Variants in PCDHA2 observed in about 807,000 individuals in gnomAD.
The protein encoded by PCDHA2 is protocadherin alpha-2.
Under a neutral mutation model 66.0 loss-of-function variants are expected in PCDHA2, and 58 were observed. The observed-to-expected ratio is 0.88, with a 90% CI of 0.71 to 1.09. The LOEUF (loss-of-function observed/expected upper bound fraction) is 1.09, where lower values mean the gene tolerates loss of function less well. PCDHA2 is among the 50% of genes least tolerant of loss of function. The pLI, the probability that PCDHA2 is intolerant of heterozygous loss-of-function variation, is 0.00. For missense variants in PCDHA2, 1,267 were observed against 1,242.3 expected (o/e 1.02, Z -0.30); for synonymous variants, 634 against 554.0 (o/e 1.14, Z -2.03).
intron 1 of PCDHA2, chr5:140,830,073 C>T (rs2150180623): frequency 6.2e-7 from 1 of 1,613,470 alleles, no homozygotes; most frequent in African/African-American, 1.3e-5. Flanking sequence ...GCGCTGACAG[C>T]GACGGCCACG....
At chr5:140,825,330 A>G (rs1431095392) in intron 1 of PCDHA2, 1 of 146,462 alleles carries the variant, frequency 6.8e-6, no homozygotes. Context: ...GGAAATTTGC[A>G]TATTTTTCAA....
intron 1 of PCDHA2, chr5:140,822,990 G>C (rs2150121071): frequency 1.2e-6 from 2 of 1,614,184 alleles, no homozygotes; most frequent in Admixed American, 1.7e-5. Context: ...ATTACTACTC[G>C]TTGGTGCTGG....
At chr5:140,833,364 G>C (rs1298324769) in intron 1 of PCDHA2, among the ~76,000 whole-genome samples, 1 of 152,118 alleles carries the variant, frequency 6.6e-6, no homozygotes, top group Admixed American at 6.6e-5. Context: ...AACACAGTAA[G>C]GTAGATCCAA....
chr5:140,882,856 G>A (rs1352769264), intron 1 of PCDHA2: 1 of 1,614,098 alleles, frequency 6.2e-7, no homozygotes, highest in African/African-American at 1.3e-5. Context: ...CACTTGTACT[G>A]AGGAAAACAC....
intron 1 of PCDHA2, chr5:140,815,743 C>T (rs1554126863): frequency 6.6e-6 from 1 of 152,154 alleles, no homozygotes; most frequent in Non-Finnish European, 1.5e-5. Flanking sequence ...AAGGCCCCCT[C>T]TTAACATTTC....
At chr5:140,866,021 G>A (rs2049106478) in intron 1 of PCDHA2, 1 of 152,210 alleles carries the variant, frequency 6.6e-6, no homozygotes, top group Middle Eastern at 3.4e-3. Flanking sequence ...TTTCTTGTAA[G>A]AGTTCGTGAT....
chr5:140,842,521 C>G lies in PCDHA2; in HGVS notation c.2388+45169C>G, dbSNP rs144333530. ...ATGTCCCCTTCAAGCTGGTGTCCAC[C>G]TTCAAGAATTACTACTCGTTGGTGC... On this transcript the variant is annotated intron_variant, in intron 1 of 3. Coordinates refer to ENST00000526136, the MANE Select transcript of PCDHA2 (RefSeq NM_018905.3). 5.7e-4 allele frequency: 916 copies of G among 1,613,508 alleles called. 20 individuals are homozygous for G. Among genetic ancestry groups the G allele is most frequent in the Non-Finnish European group, 7.4e-4 (868 of 1,179,496 alleles).
intron 3 of PCDHA2, among the ~76,000 whole-genome samples, chr5:141,005,816 G>A (rs1295998009): frequency 1.3e-5 from 2 of 151,804 alleles, no homozygotes; most frequent in African/African-American, 4.8e-5. Context: ...AGCCAGGTAT[G>A]GTGGCCTGTA....
At chr5:140,854,157 C>G in intron 1 of PCDHA2, 1 of 165,326 alleles carries the variant, frequency 6.0e-6, no homozygotes. Flanking sequence ...AAGATTCTGT[C>G]TCAAAAAAAA....
intron 3 of PCDHA2, among the ~76,000 whole-genome samples, chr5:140,986,828 G>A (rs1001117075): frequency 3.9e-5 from 6 of 152,146 alleles, no homozygotes; most frequent in Non-Finnish European, 5.9e-5. Flanking sequence ...TTTAGACAAT[G>A]GTTCTCAAAG....
At chr5:140,951,047 A>T (rs2094543631) in intron 1 of PCDHA2, among the ~76,000 whole-genome samples, 1 of 151,878 alleles carries the variant, frequency 6.6e-6, no homozygotes, top group Non-Finnish European at 1.5e-5. Flanking sequence ...TTATATTTTT[A>T]TTGCTAAAAT....
At chr5:140,917,330 AG>A (rs1425400137) in intron 1 of PCDHA2, among the ~76,000 whole-genome samples, 1,705 of 103,254 alleles carry the variant, frequency 0.017, 125 homozygotes, top group African/African-American at 0.055. Context: ...GTGGCGGGGG[AG>A]GGGGGGGATG....
intron 1 of PCDHA2, among the ~76,000 whole-genome samples, chr5:140,917,501 A>G (rs557906425): frequency 6.6e-6 from 1 of 152,020 alleles, no homozygotes; most frequent in East Asian, 1.9e-4. Context: ...CCAGAATGAT[A>G]TTTTCTAGGT....
At chr5:140,964,941 G>A (rs1223587543) in intron 1 of PCDHA2, among the ~76,000 whole-genome samples, 1 of 152,242 alleles carries the variant, frequency 6.6e-6, no homozygotes, top group African/African-American at 2.4e-5. Context: ...AGCATTGATA[G>A]TGAGTGTGCT....
rs782079622 is a variant in PCDHA2, at chr5:140,830,671, A to T, written c.2388+33319A>T. On this transcript the variant is annotated intron_variant, in intron 1 of 3. Coordinates refer to ENST00000526136, the MANE Select transcript of PCDHA2 (RefSeq NM_018905.3). ...TAATATTCATAATTTAAGTGAAATTAGAAATCACTGTCCACAATCTGCACC... is the reference window on the plus strand; with the variant it reads ...TAATATTCATAATTTAAGTGAAATTTGAAATCACTGTCCACAATCTGCACC... 15 of 371,800 alleles carry T rather than the reference A, an allele frequency of 4.0e-5. 1 individual carries two copies. The highest frequency in any genetic ancestry group is 6.2e-5 in the Non-Finnish European group (14 of 224,206). 23.0% of individuals were successfully genotyped at this position (371,800 alleles called of 1,614,324 possible).
intron 3 of PCDHA2, among the ~76,000 whole-genome samples, chr5:141,005,628 G>C: frequency 6.7e-6 from 1 of 148,974 alleles, no homozygotes; most frequent in Non-Finnish European, 1.5e-5. Context: ...CGTGAACCCG[G>C]GAGGCGGAGC....
chr5:140,856,202 G>A lies in PCDHA2; in HGVS notation c.2388+58850G>A, dbSNP rs150172685. On this transcript the variant is annotated intron_variant, in intron 1 of 3. Coordinates refer to ENST00000526136, the MANE Select transcript of PCDHA2 (RefSeq NM_018905.3). The stretch of plus-strand genomic sequence containing the variant: ...CGTGGGCCGCATCGCGCAGGACCTG[G>A]GGCTGGAGCTGGCGGAGCTGGTGCA... 2,025 of 1,598,130 alleles carry A rather than the reference G, an allele frequency of 1.3e-3. 175 individuals carry two copies. Among genetic ancestry groups the A allele is most frequent in the Non-Finnish European group, 1.6e-3 (1,906 of 1,167,884 alleles).
At chr5:140,825,240 T>C (rs968965220) in intron 1 of PCDHA2, 1 of 151,592 alleles carries the variant, frequency 6.6e-6, no homozygotes, top group Non-Finnish European at 1.5e-5. Flanking sequence ...TCTGGATCTA[T>C]GGTGTTCCAT....
intron 1 of PCDHA2, among the ~76,000 whole-genome samples, chr5:140,977,739 T>C (rs1198089748): frequency 1.3e-5 from 2 of 152,206 alleles, no homozygotes; most frequent in South Asian, 2.1e-4. Context: ...CTGGGTGTTA[T>C]GAAGAAATGT....
Sources: allele counts gnomAD v4.1 joint callset (sites outside exome capture counted in the v4.1 genomes callset), GRCh38; gene constraint gnomAD v4.1.1; transcripts MANE v1.5; gene names NCBI Gene and HGNC (gene_info 2026-07-23, HGNC 2026-07-21).